Variants in ADCY2 observed in about 807,000 individuals in gnomAD.
The protein encoded by ADCY2 is adenylate cyclase type 2.
In ADCY2, 31 loss-of-function variants were observed where a neutral mutation model predicts 125.2. The observed-to-expected ratio is 0.25, with a 90% confidence interval of 0.19 to 0.33. The LOEUF is 0.33. ADCY2 is among the 10% of genes least tolerant of loss of function. ADCY2 has a pLI of 1.00. For synonymous variants in ADCY2, 512 were observed against 548.4 expected, an observed-to-expected ratio of 0.93 and a Z score of 0.93; for missense variants, 904 against 1,418.2, an observed-to-expected ratio of 0.64 and a Z score of 5.82.
chr5:7,728,613 T>TC (rs1742005641), intron 14 of ADCY2, among the ~76,000 whole-genome samples: 1 of 152,150 alleles, frequency 6.6e-6, no homozygotes, highest in Admixed American at 6.6e-5. Context: ...GAAACAGCCA[T>TC]CCCAGTACAC....
intron 11 of ADCY2, 38 bp downstream of exon 11, chr5:7,712,937 G>T (rs777119056): frequency 1.4e-6 from 2 of 1,436,010 alleles, no homozygotes; most frequent in South Asian, 1.2e-5. Context: ...AAAGCTTATT[G>T]CTCTTTATTC....
intron 4 of ADCY2, among the ~76,000 whole-genome samples, chr5:7,630,949 G>A (rs1451110525): frequency 1.3e-5 from 2 of 151,920 alleles, no homozygotes; most frequent in Non-Finnish European, 2.9e-5. Context: ...CACCACACCT[G>A]GCTAACTTTT....
chr5:7,398,812 G>T (rs994801168), intron 1 of ADCY2, among the ~76,000 whole-genome samples: 1 of 152,208 alleles, frequency 6.6e-6, no homozygotes, highest in East Asian at 1.9e-4. Context: ...CCGGACCTGA[G>T]TCGGGACTGG....
intron 4 of ADCY2, among the ~76,000 whole-genome samples, chr5:7,682,497 G>T (rs891071489): frequency 1.3e-5 from 2 of 152,160 alleles, no homozygotes; most frequent in Admixed American, 1.3e-4. Context: ...GAGCGTCTAA[G>T]CTTGGCAGCA....
At chr5:7,480,847 A>G (rs188818714) in intron 2 of ADCY2, among the ~76,000 whole-genome samples, 3 of 152,324 alleles carry the variant, frequency 2.0e-5, no homozygotes, top group Admixed American at 6.5e-5. Flanking sequence ...GTACTCCATT[A>G]TGTATATGTA....
chr5:7,480,301 G>A (rs1286666562), intron 2 of ADCY2, among the ~76,000 whole-genome samples: 1 of 152,078 alleles, frequency 6.6e-6, no homozygotes, highest in Non-Finnish European at 1.5e-5. Context: ...CACATGTATT[G>A]GAGTATTCAT....
At chr5:7,571,344 G>A (rs1412526141) in intron 3 of ADCY2, among the ~76,000 whole-genome samples, 1 of 152,154 alleles carries the variant, frequency 6.6e-6, no homozygotes, top group Non-Finnish European at 1.5e-5. Context: ...TGAGAAGGAA[G>A]AGTTCTGATG....
At chr5:7,436,611 G>A (rs554609456) in intron 2 of ADCY2, among the ~76,000 whole-genome samples, 15 of 152,322 alleles carry the variant, frequency 9.8e-5, no homozygotes, top group South Asian at 4.1e-4. Flanking sequence ...CCCTAAGTCC[G>A]CATGTCTTTG....
chr5:7,713,417 G>A (rs1479108842), intron 11 of ADCY2, among the ~76,000 whole-genome samples: 3 of 151,390 alleles, frequency 2.0e-5, no homozygotes, highest in Non-Finnish European at 4.4e-5. Flanking sequence ...TCACTTCAAC[G>A]CGGGAGGCAG....
At chr5:7,723,114 AG>A (rs1741816838) in intron 12 of ADCY2, among the ~76,000 whole-genome samples, 1 of 151,332 alleles carries the variant, frequency 6.6e-6, no homozygotes. Context: ...ACGGACACAT[AG>A]AGGACAATGA....
chr5:7,528,965 C>T (rs938569138), intron 3 of ADCY2, among the ~76,000 whole-genome samples: 11 of 152,232 alleles, frequency 7.2e-5, no homozygotes, highest in African/African-American at 2.7e-4. Flanking sequence ...AGGACAGACT[C>T]CTCCTATGTT....
At chr5:7,703,775 G>A (rs889518888) in intron 7 of ADCY2, among the ~76,000 whole-genome samples, 1 of 152,042 alleles carries the variant, frequency 6.6e-6, no homozygotes, top group Non-Finnish European at 1.5e-5. Context: ...GTCATTGGTC[G>A]CTTGATGGGG....
intron 4 of ADCY2, 116 bp downstream of exon 4, chr5:7,626,432 A>G: frequency 8.1e-7 from 1 of 1,230,408 alleles, no homozygotes; most frequent in East Asian, 2.5e-5. Context: ...ATCAGAGAAG[A>G]AACCCTGGGC....
At chr5:7,591,819 A>G (rs1290128708) in intron 3 of ADCY2, among the ~76,000 whole-genome samples, 1 of 152,144 alleles carries the variant, frequency 6.6e-6, no homozygotes, top group Non-Finnish European at 1.5e-5. Flanking sequence ...ACTAGTAAAA[A>G]TGGTGTTTCA....
rs114396452 is a variant in ADCY2, at chr5:7,785,123, T to A, written c.2469+674T>A. 3.8e-3 allele frequency among the ~76,000 whole-genome samples: 578 copies of A among 152,312 alleles called. 6 individuals carry two copies. Among genetic ancestry groups the A allele is most frequent in the African/African-American group, 0.013 (557 of 41,578 alleles). On this transcript the variant is annotated intron_variant, in intron 19 of 24. Coordinates refer to ENST00000338316, the MANE Select transcript of ADCY2 (RefSeq NM_020546.3). The stretch of plus-strand genomic sequence containing the variant: ...CTGTTTTAAGTTCTATGAAGCGTGG[T>A]GTGAAACAAACAAAAAGCAGTGATT...
At chr5:7,724,362 C>T (rs551293943) in intron 12 of ADCY2, among the ~76,000 whole-genome samples, 183 bp from the exon 13 acceptor site, 28 of 150,410 alleles carry the variant, frequency 1.9e-4, no homozygotes, top group African/African-American at 6.3e-4. Context: ...TTTTCAGATC[C>T]TGTTAGCAGT....
intron 5 of ADCY2, chr5:7,691,516 A>C (rs928087428): frequency 6.6e-6 from 1 of 151,618 alleles, no homozygotes; most frequent in Non-Finnish European, 1.5e-5. Context: ...TCTGTCTCCC[A>C]TGAGCTCTAG....
chr5:7,624,378 T>A (rs1738055035), intron 3 of ADCY2, among the ~76,000 whole-genome samples: 1 of 151,984 alleles, frequency 6.6e-6, no homozygotes, highest in South Asian at 2.1e-4. Context: ...ATCCCCTGAG[T>A]TTACCCATCT....
At chr5:7,453,955 A>T (rs998484824) in intron 2 of ADCY2, among the ~76,000 whole-genome samples, 2 of 152,184 alleles carry the variant, frequency 1.3e-5, no homozygotes, top group African/African-American at 4.8e-5. Context: ...CTGAGATCTT[A>T]TTAAGAAGAT....
Sources: gnomAD v4.1 joint callset for allele counts (sites outside exome capture counted in the v4.1 genomes callset) on GRCh38, gnomAD v4.1.1 for gene constraint, MANE v1.5 for transcripts, NCBI Gene and HGNC (gene_info 2026-07-23, HGNC 2026-07-21) for gene names.